CACNA2D3: variants seen among roughly 807,000 people sequenced by gnomAD.
CACNA2D3 encodes the protein calcium voltage-gated channel auxiliary subunit alpha2delta 3, also known as voltage-dependent calcium channel subunit alpha-2/delta-3.
A neutral mutation model predicts 160.6 loss-of-function variants in CACNA2D3; 60 were observed. The ratio of observed to expected loss-of-function variants is 0.37; its 90% CI spans 0.30 to 0.46. CACNA2D3 has a LOEUF of 0.46. Among genes scored for constraint, CACNA2D3 ranks in the 20% least tolerant of loss-of-function variants. The pLI, the probability that CACNA2D3 is intolerant of heterozygous loss-of-function variation, is 1.00. For synonymous variants in CACNA2D3, 558 were observed against 492.9 expected, an observed-to-expected ratio of 1.13 and a Z score of -1.75; for missense variants, 1,205 against 1,365.0, an observed-to-expected ratio of 0.88 and a Z score of 1.85.
intron 4 of CACNA2D3, among the ~76,000 whole-genome samples, chr3:54,475,156 G>C (rs940775417): frequency 6.6e-6 from 1 of 152,138 alleles, no homozygotes; most frequent in East Asian, 1.9e-4. Context: ...TGAGACCTGA[G>C]ACTAAAGGCT....
intron 27 of CACNA2D3, among the ~76,000 whole-genome samples, chr3:54,962,372 G>C (rs1702050843): frequency 6.6e-6 from 1 of 152,094 alleles, no homozygotes; most frequent in African/African-American, 2.4e-5. Flanking sequence ...AGTTTGCATT[G>C]GTCATAGATG....
intron 2 of CACNA2D3, among the ~76,000 whole-genome samples, chr3:54,311,108 G>A (rs937224594): frequency 1.3e-5 from 2 of 152,128 alleles, no homozygotes; most frequent in African/African-American, 4.8e-5. Flanking sequence ...ATCAGGCTTC[G>A]AGTCAGCAGC....
At chr3:54,532,683 T>A (rs1701823546) in intron 5 of CACNA2D3, among the ~76,000 whole-genome samples, 1 of 152,214 alleles carries the variant, frequency 6.6e-6, no homozygotes, top group South Asian at 2.1e-4. Context: ...CCATACATTT[T>A]CTTTATCCAG....
chr3:54,145,943 G>A (rs185839393), intron 2 of CACNA2D3, among the ~76,000 whole-genome samples: 2 of 152,120 alleles, frequency 1.3e-5, no homozygotes, highest in African/African-American at 4.8e-5. Context: ...TCATCAGTTT[G>A]TCTTTTTTTC....
intron 35 of CACNA2D3, among the ~76,000 whole-genome samples, chr3:55,058,356 C>T (rs565392514): frequency 3.1e-4 from 47 of 152,282 alleles, no homozygotes; most frequent in African/African-American, 1.1e-3. Context: ...ATGTATCAAG[C>T]TCCAATTGTA....
chr3:54,613,669 C>T (rs1698789072), intron 9 of CACNA2D3, among the ~76,000 whole-genome samples: 1 of 152,202 alleles, frequency 6.6e-6, no homozygotes, highest in Admixed American at 6.5e-5. Context: ...AACACAAACA[C>T]TGAATGCCTG....
At chr3:54,461,865 T>A (rs1309330286) in intron 4 of CACNA2D3, among the ~76,000 whole-genome samples, 1 of 152,194 alleles carries the variant, frequency 6.6e-6, no homozygotes, top group East Asian at 1.9e-4. Flanking sequence ...TTAATTGTGA[T>A]GTTAGGGTGT....
chr3:54,288,102 A>T (rs1167560872), intron 2 of CACNA2D3, among the ~76,000 whole-genome samples: 1 of 152,090 alleles, frequency 6.6e-6, no homozygotes, highest in East Asian at 1.9e-4. Flanking sequence ...TAGAGACCCA[A>T]AAAACCCTTC....
intron 10 of CACNA2D3, among the ~76,000 whole-genome samples, chr3:54,635,017 G>A (rs1466475207): frequency 6.6e-6 from 1 of 151,904 alleles, no homozygotes; most frequent in Non-Finnish European, 1.5e-5. Flanking sequence ...GTGGTATGGA[G>A]AGAGAGTGGA....
chr3:54,874,203 A>G (rs1222650604), intron 18 of CACNA2D3, among the ~76,000 whole-genome samples: 1 of 152,232 alleles, frequency 6.6e-6, no homozygotes, highest in Non-Finnish European at 1.5e-5. Context: ...TTAAAAGAAA[A>G]AAAGACAACA....
intron 27 of CACNA2D3, among the ~76,000 whole-genome samples, chr3:54,931,180 C>T (rs562188976): frequency 6.6e-6 from 1 of 152,300 alleles, no homozygotes; most frequent in East Asian, 1.9e-4. Flanking sequence ...CTGCTCCCAC[C>T]TAAAACACGA....
intron 29 of CACNA2D3, among the ~76,000 whole-genome samples, chr3:54,972,164 GTTCTT>G (rs1702289230): frequency 1.3e-5 from 2 of 152,160 alleles, no homozygotes. Context: ...TGCTAACAAT[GTTCTT>G]TTAGCAACCA....
intron 2 of CACNA2D3, among the ~76,000 whole-genome samples, chr3:54,210,159 G>A (rs1701347149): frequency 6.6e-6 from 1 of 152,196 alleles, no homozygotes; most frequent in South Asian, 2.1e-4. Context: ...GAGCAGTAAG[G>A]AGGATGTGGG....
chr3:54,446,068 T>G (rs1313236587), intron 4 of CACNA2D3, among the ~76,000 whole-genome samples: 1 of 152,192 alleles, frequency 6.6e-6, no homozygotes, highest in Non-Finnish European at 1.5e-5. Flanking sequence ...GCCTGTGGGT[T>G]CCATCCACAC....
chr3:54,329,002 A>G (rs1427660493), intron 3 of CACNA2D3, among the ~76,000 whole-genome samples: 1 of 152,142 alleles, frequency 6.6e-6, no homozygotes, highest in African/African-American at 2.4e-5. Flanking sequence ...TTGCAAGAGA[A>G]TTTGAGCTTG....
At chr3:54,193,394 T>C (rs1701016752) in intron 2 of CACNA2D3, among the ~76,000 whole-genome samples, 1 of 152,154 alleles carries the variant, frequency 6.6e-6, no homozygotes, top group Non-Finnish European at 1.5e-5. Flanking sequence ...TTTTCCAGGG[T>C]TCAGTCTTTT....
At chr3:54,845,955 G>T (rs376684294) in intron 16 of CACNA2D3, among the ~76,000 whole-genome samples, 1 of 152,184 alleles carries the variant, frequency 6.6e-6, no homozygotes, top group South Asian at 2.1e-4. Flanking sequence ...CCCTGTGGGC[G>T]TGGAATTATA....
chr3:54,883,818 T>TCTCTCTCTCTCTCTCTCC (rs1439782748), intron 21 of CACNA2D3, among the ~76,000 whole-genome samples: 1 of 142,890 alleles, frequency 7.0e-6, no homozygotes, highest in Non-Finnish European at 1.5e-5. Flanking sequence ...TCTCTCTCTC[T>TCTCTCTCTCTCTCTCTCC]CTCTCCTCTC....
At chr3:55,065,842 C>G (rs1055125656) in intron 35 of CACNA2D3, among the ~76,000 whole-genome samples, 4 of 152,228 alleles carry the variant, frequency 2.6e-5, no homozygotes, top group African/African-American at 9.6e-5. Context: ...CATTTCTAGG[C>G]CAATCCTCAC....
Sources: gnomAD v4.1 joint callset for allele counts (sites outside exome capture counted in the v4.1 genomes callset) on GRCh38, gnomAD v4.1.1 for gene constraint, MANE v1.5 for transcripts, NCBI Gene and HGNC (gene_info 2026-07-23, HGNC 2026-07-21) for gene names.